POU6F2: variants seen among roughly 807,000 people sequenced by gnomAD.
The protein encoded by POU6F2 is POU domain, class 6, transcription factor 2.
A neutral mutation model predicts 71.3 loss-of-function variants in POU6F2; 31 were observed. That is an observed-to-expected ratio of 0.43 (90% CI 0.33 to 0.59). POU6F2 has a LOEUF of 0.59. Among genes scored for constraint, POU6F2 ranks in the 20% least tolerant of loss-of-function variants. The pLI is 0.04. For missense variants in POU6F2, 783 were observed against 856.8 expected (o/e 0.91, Z 1.07); for synonymous variants, 347 against 355.7 (o/e 0.98, Z 0.27).
intron 4 of POU6F2, among the ~76,000 whole-genome samples, chr7:39,214,309 G>A (rs1219047202): frequency 1.3e-5 from 2 of 152,078 alleles, no homozygotes; most frequent in African/African-American, 4.8e-5. Flanking sequence ...TTCCCACCCA[G>A]AAAGCATCAA....
intron 2 of POU6F2, among the ~76,000 whole-genome samples, chr7:39,172,702 C>G (rs931071111): frequency 6.6e-6 from 1 of 151,630 alleles, no homozygotes; most frequent in Non-Finnish European, 1.5e-5. Flanking sequence ...CTCACTGCAA[C>G]CTCGACCTCC....
intron 2 of POU6F2, among the ~76,000 whole-genome samples, chr7:39,089,068 G>T (rs1007499917): frequency 6.6e-6 from 1 of 152,198 alleles, no homozygotes; most frequent in African/African-American, 2.4e-5. Context: ...GGAGAAAGGA[G>T]AAGCCATATG....
intron 2 of POU6F2, among the ~76,000 whole-genome samples, chr7:39,118,479 G>A (rs538781177): frequency 6.6e-6 from 1 of 152,180 alleles, no homozygotes; most frequent in African/African-American, 2.4e-5. Context: ...ATGCCACAGA[G>A]AAGAGACAAA....
At chr7:39,108,223 G>C (rs1411735392) in intron 2 of POU6F2, among the ~76,000 whole-genome samples, 1 of 152,086 alleles carries the variant, frequency 6.6e-6, no homozygotes, top group Non-Finnish European at 1.5e-5. Flanking sequence ...GGAGTGTCTA[G>C]ATGCAGTTGT....
intron 1 of POU6F2, among the ~76,000 whole-genome samples, chr7:39,058,517 C>T (rs940170026): frequency 6.6e-6 from 1 of 152,148 alleles, no homozygotes; most frequent in Non-Finnish European, 1.5e-5. Flanking sequence ...TACATTTCCG[C>T]TAGAATTTGG....
chr7:39,262,638 G>C (rs1427272551), intron 4 of POU6F2, among the ~76,000 whole-genome samples: 1 of 152,168 alleles, frequency 6.6e-6, no homozygotes. Context: ...AAACTTTAAA[G>C]TTATTATCTT....
At chr7:39,202,001 C>T (rs938760353) in intron 2 of POU6F2, among the ~76,000 whole-genome samples, 1 of 152,168 alleles carries the variant, frequency 6.6e-6, no homozygotes, top group African/African-American at 2.4e-5. Flanking sequence ...TACATAATCT[C>T]CTCTAGAGCC....
intron 4 of POU6F2, among the ~76,000 whole-genome samples, chr7:39,221,037 TA>T (rs1794344666): frequency 6.6e-6 from 1 of 152,200 alleles, no homozygotes; most frequent in South Asian, 2.1e-4. Flanking sequence ...AATATCTTAT[TA>T]AAAATAATTT....
At chr7:39,162,000 C>T (rs1793007946) in intron 2 of POU6F2, among the ~76,000 whole-genome samples, 1 of 152,168 alleles carries the variant, frequency 6.6e-6, no homozygotes, top group African/African-American at 2.4e-5. Context: ...TTCATCATAA[C>T]ACGTGCTTTG....
chr7:39,439,451 T>C (rs145090744), intron 7 of POU6F2, among the ~76,000 whole-genome samples: 1,537 of 152,276 alleles, frequency 0.01, 20 homozygotes, highest in African/African-American at 0.035. Context: ...TTCTTCATAG[T>C]GTCATTGGTC....
chr7:39,268,238 G>A (rs1302491613), intron 4 of POU6F2, among the ~76,000 whole-genome samples: 4 of 152,168 alleles, frequency 2.6e-5, no homozygotes, highest in African/African-American at 9.7e-5. Flanking sequence ...ATAATGGAAT[G>A]TAGATAAAAT....
intron 4 of POU6F2, among the ~76,000 whole-genome samples, chr7:39,311,454 T>G (rs769399555): frequency 1.2e-4 from 18 of 152,214 alleles, no homozygotes; most frequent in Admixed American, 4.6e-4. Flanking sequence ...ATTTACTTTC[T>G]GTCTTCCTCC....
intron 5 of POU6F2, among the ~76,000 whole-genome samples, chr7:39,392,859 C>T (rs1426395784): frequency 6.6e-6 from 1 of 152,194 alleles, no homozygotes; most frequent in Admixed American, 6.5e-5. Flanking sequence ...CACAGCCAAA[C>T]ATTTCTCAAT....
At chr7:39,316,926 A>C (rs1785279145) in intron 4 of POU6F2, among the ~76,000 whole-genome samples, 1 of 152,162 alleles carries the variant, frequency 6.6e-6, no homozygotes, top group Non-Finnish European at 1.5e-5. Context: ...CAAGTCTTTC[A>C]CTTGAAAAGT....
chr7:39,115,090 C>A (rs769039023), intron 2 of POU6F2, among the ~76,000 whole-genome samples: 3 of 152,094 alleles, frequency 2.0e-5, no homozygotes, highest in Non-Finnish European at 2.9e-5. Context: ...GGAAAGCAAA[C>A]CTTTGAGGGT....
At chr7:39,212,814 G>C (rs1794170342) in intron 4 of POU6F2, among the ~76,000 whole-genome samples, 1 of 152,160 alleles carries the variant, frequency 6.6e-6, no homozygotes, top group African/African-American at 2.4e-5. Context: ...GCAGTCCTAG[G>C]GTAAAAACAG....
chr7:39,351,800 A>T (rs1786144268), intron 5 of POU6F2, among the ~76,000 whole-genome samples: 1 of 152,192 alleles, frequency 6.6e-6, no homozygotes, highest in African/African-American at 2.4e-5. Flanking sequence ...CATTTCACAC[A>T]TGAGGACGTT....
intron 8 of POU6F2, among the ~76,000 whole-genome samples, chr7:39,459,452 G>GGTTTT (rs141262587): frequency 0.065 from 9,636 of 148,974 alleles, 640 homozygotes; most frequent in African/African-American, 0.17. Flanking sequence ...TGGTTTTGTG[G>GGTTTT]GTTTTGTTTT....
intron 4 of POU6F2, among the ~76,000 whole-genome samples, chr7:39,220,315 G>A (rs1195803761): frequency 1.3e-5 from 2 of 152,204 alleles, no homozygotes; most frequent in African/African-American, 4.8e-5. Context: ...TAAGATGGCA[G>A]TAGCATACCA....
Sources: gnomAD v4.1 joint callset for allele counts (sites outside exome capture counted in the v4.1 genomes callset) on GRCh38, gnomAD v4.1.1 for gene constraint, MANE v1.5 for transcripts, NCBI Gene and HGNC (gene_info 2026-07-23, HGNC 2026-07-21) for gene names.